Variants in HELLS observed in about 807,000 individuals in gnomAD.
The protein encoded by HELLS is helicase, lymphoid specific.
Under a neutral mutation model 120.0 loss-of-function variants are expected in HELLS, and 32 were observed. That is an observed-to-expected ratio of 0.27 (90% CI 0.20 to 0.36). The LOEUF (loss-of-function observed/expected upper bound fraction) is 0.36. Among genes scored for constraint, HELLS ranks in the 10% least tolerant of loss-of-function variants. HELLS has a pLI of 1.00. For synonymous variants in HELLS, 341 were observed against 323.4 expected (o/e 1.05, Z -0.58); for missense variants, 650 against 993.4 (o/e 0.65, Z 4.65).
chr10:94,550,271 G>GT (rs984550997), intron 2 of HELLS, among the ~76,000 whole-genome samples: 3 of 149,926 alleles, frequency 2.0e-5, no homozygotes, highest in East Asian at 4.0e-4. Flanking sequence ...AAGTATTTAG[G>GT]TTTTTTTTGC....
Position 94,574,124 on chromosome 10 carries a change from A to G in HELLS, c.642A>G (p.Gln214=). Residue 214 remains glutamine (Q), a synonymous_variant, in exon 8 of 22, where the codon CAA becomes CAG. Transcript: ENST00000348459. The part of the protein sequence containing the change: ...KCNGQPVPFQ[Q]PKHFTGGVMR... Reference sequence around the variant, plus strand: ...ATGGTCAGCCAGTACCTTTTCAACAACCAAAGCACTTCACTGGAGGAGTGA... The same window carrying G: ...ATGGTCAGCCAGTACCTTTTCAACAGCCAAAGCACTTCACTGGAGGAGTGA... 1.2e-6 allele frequency: 2 copies of G among 1,614,118 alleles called. No homozygotes were observed. The highest frequency in any genetic ancestry group is 1.7e-6 in the Non-Finnish European group (2 of 1,180,010).
chr10:94,592,231 C>G lies in HELLS; in HGVS notation c.1770C>G (p.Ile590Met). 3 of 1,604,896 alleles carry G rather than the reference C, an allele frequency of 1.9e-6. No homozygotes were observed. Among genetic ancestry groups the G allele is most frequent in the Non-Finnish European group, 2.6e-6 (3 of 1,174,518 alleles). ...TTCTTCCTTTGCCCCTCCTTAAGAT[C>G]GATGAAGAATTGGTAACAAATTCTG... ...PIDPVTQEFKIDEELVTNSGK... is the reference protein window; with the variant it reads ...PIDPVTQEFKMDEELVTNSGK... The change falls in exon 16 of 22, where the codon ATC becomes ATG. Residue 590 changes from isoleucine (I) to methionine (M), a missense_variant and splice_region_variant. Physicochemically the swap from Ile to Met is conservative, Grantham distance 10 (BLOSUM62 1). Coordinates refer to ENST00000348459, the MANE Select transcript of HELLS (RefSeq NM_018063.5).
intron 2 of HELLS, among the ~76,000 whole-genome samples, chr10:94,548,943 G>A (rs377603991): frequency 6.6e-6 from 1 of 152,082 alleles, no homozygotes; most frequent in Non-Finnish European, 1.5e-5. Context: ...GCAGTGAGCC[G>A]AGATGGCATC....
At chr10:94,568,111 T>G (rs1288126102) in intron 6 of HELLS, among the ~76,000 whole-genome samples, 1 of 151,850 alleles carries the variant, frequency 6.6e-6, no homozygotes, top group African/African-American at 2.4e-5. Flanking sequence ...AGTTTCACCA[T>G]TTTGGCCTGG....
chr10:94,554,326 A>G, intron 3 of HELLS, 78 bp downstream of exon 3: 1 of 1,030,458 alleles, frequency 9.7e-7, no homozygotes, highest in Non-Finnish European at 1.4e-6. Context: ...TATTATATAC[A>G]GTAAAATGGA....
downstream of HELLS, chr10:94,602,128 C>T (rs1187306837): frequency 3.3e-5 from 5 of 152,326 alleles, no homozygotes; most frequent in Non-Finnish European, 7.3e-5. Flanking sequence ...TCAGGAATAG[C>T]TTAGGTGCAA....
At chr10:94,590,124 C>T (rs957816585) in intron 13 of HELLS, among the ~76,000 whole-genome samples, 5 of 152,186 alleles carry the variant, frequency 3.3e-5, no homozygotes, top group African/African-American at 1.2e-4. Flanking sequence ...GAAATATCCT[C>T]TGTACTGCAA....
intron 8 of HELLS, chr10:94,607,858 G>A: frequency 2.8e-6 from 1 of 362,744 alleles, no homozygotes; most frequent in Non-Finnish European, 5.5e-6. Context: ...CTCCTGGGTA[G>A]TTGGGATTAC....
At chr10:94,580,575 T>C (rs77704415) in intron 10 of HELLS, among the ~76,000 whole-genome samples, 4,717 of 152,208 alleles carry the variant, frequency 0.031, 102 homozygotes, top group South Asian at 0.044. Context: ...GCCAGGAAAA[T>C]AAATCCTTTC....
chr10:94,602,057 T>C lies in HELLS; in HGVS notation c.*435T>C, dbSNP rs1267755727. ...GAAACTGTTTGATTTTAGAGTCTAT[T>C]TCTATGAGATAGTTTACCAAATAAA... On this transcript the variant is annotated 3_prime_UTR_variant, in exon 22 of 22. Coordinates refer to ENST00000348459, the MANE Select transcript of HELLS (RefSeq NM_018063.5). 6.5e-6 allele frequency: 1 copy of C among 152,714 alleles called. No individual in the cohort carries two copies. The highest frequency in any genetic ancestry group is 1.5e-5 in the Non-Finnish European group (1 of 68,116). The allele number at this position is 152,714 out of a possible 1,614,324, so 9.5% of individuals were successfully genotyped here. A position where few individuals can be genotyped will look rare whatever the true frequency, so the allele number is the denominator to read the frequency against.
chr10:94,555,421 A>C (rs1247066490), intron 3 of HELLS, among the ~76,000 whole-genome samples: 1 of 152,098 alleles, frequency 6.6e-6, no homozygotes, highest in African/African-American at 2.4e-5. Context: ...TGGATGACAG[A>C]GTGAGACCCT....
intron 17 of HELLS, 131 bp downstream of exon 17, chr10:94,592,645 C>A: frequency 3.7e-6 from 2 of 537,868 alleles, no homozygotes; most frequent in Non-Finnish European, 5.8e-6. Flanking sequence ...GTGGTTTTAT[C>A]AAAAACAAAC....
chr10:94,548,998 A>G (rs992290349), intron 2 of HELLS, among the ~76,000 whole-genome samples: 3 of 152,232 alleles, frequency 2.0e-5, no homozygotes, highest in Non-Finnish European at 4.4e-5. Flanking sequence ...CGTCTCAAAA[A>G]AAAAAGTATG....
At chr10:94,566,316 G>A (rs1843794336) in intron 6 of HELLS, among the ~76,000 whole-genome samples, 1 of 152,150 alleles carries the variant, frequency 6.6e-6, no homozygotes, top group African/African-American at 2.4e-5. Flanking sequence ...ATTTAAAGGT[G>A]GGATTAATAG....
At chr10:94,565,097 G>C (rs183936697) in intron 6 of HELLS, among the ~76,000 whole-genome samples, 8 of 152,224 alleles carry the variant, frequency 5.3e-5, no homozygotes, top group Admixed American at 6.5e-5. Flanking sequence ...AGCATTTTGG[G>C]AGGCTGAGGC....
exon 10 of HELLS, chr10:94,612,542 A>G (rs1205901920): frequency 1.3e-5 from 2 of 152,194 alleles, no homozygotes; most frequent in Non-Finnish European, 2.9e-5. Context: ...GTGTGCTTGT[A>G]TATTCCGAAA....
chr10:94,562,841 G>C lies in HELLS; in HGVS notation c.400G>C (p.Glu134Gln), dbSNP rs758366340. 1.3e-6 allele frequency: 2 copies of C among 1,579,084 alleles called. No individual in the cohort carries two copies. Among genetic ancestry groups the C allele is most frequent in the South Asian group, 2.3e-5 (2 of 86,752 alleles). ...GAGGAAAAAAAGAGGAAGAGAAGAT[G>C]AATCATACAATATTTCAGAGGTCAT... ...VMRKKRGRED[E>Q]SYNISEVMSK... The change falls in exon 6 of 22, where the codon GAA (glutamate) becomes CAA (glutamine). Residue 134 changes from glutamate to glutamine, a missense_variant. Transcript: ENST00000348459.
intron 7 of HELLS, among the ~76,000 whole-genome samples, chr10:94,573,570 G>A (rs1844288582): frequency 6.6e-6 from 1 of 151,750 alleles, no homozygotes; most frequent in African/African-American, 2.4e-5. Context: ...GGGTTTAAGT[G>A]ATCCTCAGCC....
At chr10:94,582,705 A>G (rs1162137702) in intron 11 of HELLS, among the ~76,000 whole-genome samples, 1 of 152,140 alleles carries the variant, frequency 6.6e-6, no homozygotes, top group African/African-American at 2.4e-5. Flanking sequence ...ATACTACTGT[A>G]CAATTGTTAA....
Sources: allele counts gnomAD v4.1 joint callset (sites outside exome capture counted in the v4.1 genomes callset), GRCh38; gene constraint gnomAD v4.1.1; transcripts MANE v1.5; gene names NCBI Gene and HGNC (gene_info 2026-07-23, HGNC 2026-07-21).